Variants in NCALD observed in about 807,000 individuals in gnomAD.
The protein encoded by NCALD is neurocalcin-delta.
Under a neutral mutation model 18.6 loss-of-function variants are expected in NCALD, and 10 were observed. The ratio of observed to expected loss-of-function variants is 0.54; its 90% confidence interval spans 0.33 to 0.91. The LOEUF (loss-of-function observed/expected upper bound fraction) is 0.91, where lower values mean the gene tolerates loss of function less well. Ranked by LOEUF, NCALD falls within the 40% of genes least tolerant of loss-of-function variation. The pLI is 0.03. For synonymous variants in NCALD, 88 were observed against 87.4 expected (o/e 1.01, Z -0.04); for missense variants, 184 against 247.6 (o/e 0.74, Z 1.72).
chr8:101,880,579 TCA>T (rs528238270), intron 4 of NCALD, among the ~76,000 whole-genome samples: 88 of 152,348 alleles, frequency 5.8e-4, no homozygotes, highest in African/African-American at 2.0e-3. Flanking sequence ...TCACTGGTAG[TCA>T]CAGACAGGAC....
At chr8:101,918,800 G>A (rs113401444) in intron 2 of NCALD, among the ~76,000 whole-genome samples, 1 of 149,836 alleles carries the variant, frequency 6.7e-6, no homozygotes, top group African/African-American at 2.5e-5. Flanking sequence ...ATCTAACCAA[G>A]GAAGTGAAAG....
At chr8:101,894,625 T>C (rs1336567355) in intron 3 of NCALD, among the ~76,000 whole-genome samples, 1 of 142,568 alleles carries the variant, frequency 7.0e-6, no homozygotes, top group Admixed American at 6.9e-5. Flanking sequence ...GCAAAACTAA[T>C]AAAGAAAAAA....
At chr8:102,043,535 G>T (rs1056914427) in intron 1 of NCALD, among the ~76,000 whole-genome samples, 1 of 151,616 alleles carries the variant, frequency 6.6e-6, no homozygotes, top group African/African-American at 2.4e-5. Context: ...GAGAAGGAAA[G>T]GTCAAAAGAA....
intron 2 of NCALD, among the ~76,000 whole-genome samples, chr8:101,716,612 C>T (rs186955191): frequency 3.6e-4 from 55 of 152,282 alleles, no homozygotes; most frequent in Non-Finnish European, 7.4e-5. Flanking sequence ...TAAAAAGGAA[C>T]GCAACTGCAT....
intron 1 of NCALD, among the ~76,000 whole-genome samples, chr8:102,085,739 A>C (rs1246022412): frequency 6.6e-6 from 1 of 150,584 alleles, no homozygotes; most frequent in Non-Finnish European, 1.5e-5. Context: ...GGGTGACAGC[A>C]AGACTCTGTC....
intron 1 of NCALD, among the ~76,000 whole-genome samples, chr8:102,053,144 A>G (rs903524135): frequency 1.3e-5 from 2 of 152,228 alleles, no homozygotes; most frequent in Non-Finnish European, 2.9e-5. Flanking sequence ...CAATATGCCC[A>G]GAAACTCTTT....
At chr8:101,900,587 T>G (rs900207861) in intron 3 of NCALD, among the ~76,000 whole-genome samples, 1 of 151,988 alleles carries the variant, frequency 6.6e-6, no homozygotes, top group Non-Finnish European at 1.5e-5. Flanking sequence ...TTTTTTTATT[T>G]CTTTGAAACT....
In NCALD at chr8:101,880,369, G is replaced by A. The variant is rs899155375; in HGVS notation, c.-20+6772C>T. On this transcript the variant is annotated intron_variant, in intron 4 of 6. Coordinates refer to the NCALD transcript ENST00000311028. ...CACGATCGCCAGGTGCAGCAGCCCC[G>A]GTTCCCACTGGCGCCTCTCCCTCCA... is the stretch of plus-strand genomic sequence containing the variant. Among the ~76,000 whole-genome samples the A allele has an allele frequency of 1.1e-4, 16 of 152,060 alleles. 1 individual carries two copies. Among genetic ancestry groups the A allele is most frequent in the South Asian group, 4.2e-4 (2 of 4,810 alleles).
At chr8:101,896,211 C>G (rs1001243290) in intron 3 of NCALD, among the ~76,000 whole-genome samples, 3 of 152,032 alleles carry the variant, frequency 2.0e-5, no homozygotes, top group Non-Finnish European at 4.4e-5. Flanking sequence ...AGTAATGCCA[C>G]ATATCTACAA....
At chr8:101,873,321 C>T (rs1816095344) in intron 4 of NCALD, among the ~76,000 whole-genome samples, 1 of 152,206 alleles carries the variant, frequency 6.6e-6, no homozygotes, top group Non-Finnish European at 1.5e-5. Flanking sequence ...GGAAGAAGGA[C>T]ACTCAAGGCG....
intron 2 of NCALD, among the ~76,000 whole-genome samples, chr8:101,713,012 T>G (rs1815883460): frequency 6.6e-6 from 1 of 152,090 alleles, no homozygotes; most frequent in African/African-American, 2.4e-5. Flanking sequence ...ATTCTAAAAT[T>G]GAACACATAA....
chr8:101,806,194 C>A (rs891639297), intron 4 of NCALD, among the ~76,000 whole-genome samples: 2 of 152,016 alleles, frequency 1.3e-5, no homozygotes, highest in African/African-American at 2.4e-5. Context: ...CAACAAAAAA[C>A]CCCCAAGCAA....
At chr8:101,952,305 C>T (rs1222163355) in intron 2 of NCALD, among the ~76,000 whole-genome samples, 7 of 152,320 alleles carry the variant, frequency 4.6e-5, no homozygotes, top group Middle Eastern at 3.4e-3. Flanking sequence ...TCACACCAGA[C>T]CCCGCTGAAA....
intron 4 of NCALD, among the ~76,000 whole-genome samples, chr8:101,799,993 G>A (rs1812781525): frequency 6.6e-6 from 1 of 152,114 alleles, no homozygotes; most frequent in Non-Finnish European, 1.5e-5. Context: ...TTTATTTCAA[G>A]ATAAAAGTTT....
At chr8:101,959,067 C>T (rs1374661016) in intron 2 of NCALD, among the ~76,000 whole-genome samples, 1 of 152,108 alleles carries the variant, frequency 6.6e-6, no homozygotes, top group Non-Finnish European at 1.5e-5. Context: ...TTATGTTCAT[C>T]CACTAGTCCT....
rs5893600 is a variant in NCALD, at chr8:102,123,460, GAA to G, written c.-210+775_-210+776del. Among the ~76,000 whole-genome samples, 4 of 140,150 alleles carry G rather than the reference GAA, an allele frequency of 2.9e-5. No individual in the cohort carries two copies. In the East Asian group the frequency reaches 6.3e-4, roughly 22 times the overall value. The allele number at this position is 140,150 out of a possible 152,430, so 91.9% of individuals were successfully genotyped here. ...GTTAAAGCAAGCATCTGCAGCATTAGAAAAAAAAAAAAAAAACTTGTGTATTT... is the reference window on the plus strand; with the variant it reads ...GTTAAAGCAAGCATCTGCAGCATTAGAAAAAAAAAAAAAACTTGTGTATTT... On this transcript the variant is annotated intron_variant, in intron 1 of 6. Transcript: ENST00000311028.
At chr8:101,955,321 T>A (rs1819583082) in intron 2 of NCALD, among the ~76,000 whole-genome samples, 1 of 152,186 alleles carries the variant, frequency 6.6e-6, no homozygotes, top group South Asian at 2.1e-4. Context: ...TTCTCTTTCG[T>A]AGAGAGGGCA....
At chr8:101,825,691 T>A (rs528992582) in intron 4 of NCALD, among the ~76,000 whole-genome samples, 59 of 152,316 alleles carry the variant, frequency 3.9e-4, no homozygotes, top group Non-Finnish European at 7.5e-4. Flanking sequence ...AAGATGATAA[T>A]CAGACTCTGA....
intron 1 of NCALD, among the ~76,000 whole-genome samples, chr8:101,749,701 C>A (rs1056928607): frequency 6.6e-6 from 1 of 152,162 alleles, no homozygotes; most frequent in Non-Finnish European, 1.5e-5. Context: ...ACCCTCTATT[C>A]AGGTCACTTT....
Sources: allele counts gnomAD v4.1 joint callset (sites outside exome capture counted in the v4.1 genomes callset), GRCh38; gene constraint gnomAD v4.1.1; transcripts MANE v1.5; gene names NCBI Gene and HGNC (gene_info 2026-07-23, HGNC 2026-07-21).